The following STAU2 variants were observed in gnomAD, a reference collection of about 807,000 sequenced individuals.
STAU2 encodes double-stranded RNA-binding protein Staufen homolog 2.
In STAU2, 20 loss-of-function variants were observed where a neutral mutation model predicts 65.9. The ratio of observed to expected loss-of-function variants is 0.30; its 90% CI spans 0.21 to 0.44. The LOEUF (loss-of-function observed/expected upper bound fraction) is 0.44. STAU2 is among the 20% of genes least tolerant of loss of function. The pLI, the probability that STAU2 is intolerant of heterozygous loss-of-function variation, is 1.00. For synonymous variants in STAU2, 232 were observed against 233.9 expected (o/e 0.99, Z 0.07); for missense variants, 558 against 683.9 (o/e 0.82, Z 2.05).
intron 13 of STAU2, among the ~76,000 whole-genome samples, chr8:73,491,619 A>C (rs1821159482): frequency 6.6e-6 from 1 of 151,946 alleles, no homozygotes; most frequent in Admixed American, 6.6e-5. Flanking sequence ...AAAATTAGCT[A>C]AGTTACATTT....
chr8:73,649,486 C>A (rs939801956), intron 6 of STAU2, among the ~76,000 whole-genome samples: 3 of 151,982 alleles, frequency 2.0e-5, no homozygotes, highest in African/African-American at 4.8e-5. Flanking sequence ...TGTTCCATCA[C>A]AATAGAAATT....
intron 13 of STAU2, among the ~76,000 whole-genome samples, chr8:73,533,342 T>C (rs1362750693): frequency 6.6e-6 from 1 of 152,212 alleles, no homozygotes; most frequent in Non-Finnish European, 1.5e-5. Flanking sequence ...ATCAATTAAA[T>C]AAGACGGCTT....
intron 4 of STAU2, among the ~76,000 whole-genome samples, chr8:73,694,660 C>T (rs1819579627): frequency 6.6e-6 from 1 of 152,200 alleles, no homozygotes; most frequent in Non-Finnish European, 1.5e-5. Context: ...TGAACAATCA[C>T]AGTGTCTGGC....
chr8:73,578,964 C>T (rs1007444970), intron 12 of STAU2, among the ~76,000 whole-genome samples: 2 of 151,530 alleles, frequency 1.3e-5, no homozygotes, highest in African/African-American at 4.9e-5. Flanking sequence ...TATATACCTC[C>T]CTTCTATCTC....
intron 13 of STAU2, among the ~76,000 whole-genome samples, chr8:73,519,837 G>A (rs1822946513): frequency 6.6e-6 from 1 of 152,218 alleles, no homozygotes; most frequent in Non-Finnish European, 1.5e-5. Context: ...ATCTCAAGGA[G>A]ATCACTGCCC....
intron 11 of STAU2, among the ~76,000 whole-genome samples, chr8:73,593,880 TACACACACAC>T (rs3032945): frequency 2.0e-5 from 3 of 150,530 alleles, no homozygotes; most frequent in East Asian, 2.0e-4. Flanking sequence ...GACACACACA[TACACACACAC>T]ACACACACAC....
chr8:73,623,673 C>T (rs577915739), intron 6 of STAU2, among the ~76,000 whole-genome samples: 22 of 152,120 alleles, frequency 1.4e-4, no homozygotes, highest in East Asian at 3.9e-4. Flanking sequence ...AATGACATGT[C>T]GATTATTTTG....
chr8:73,606,204 C>CTAA (rs1361867260), intron 9 of STAU2, among the ~76,000 whole-genome samples: 1 of 151,270 alleles, frequency 6.6e-6, no homozygotes, highest in Non-Finnish European at 1.5e-5. Flanking sequence ...TGTAAAAAAA[C>CTAA]TAATAATAAT....
chr8:73,609,346 A>G (rs1812267938), intron 9 of STAU2, among the ~76,000 whole-genome samples: 1 of 151,826 alleles, frequency 6.6e-6, no homozygotes, highest in African/African-American at 2.4e-5. Flanking sequence ...TTCCACTTAT[A>G]TCCTGAAAAA....
At chr8:73,574,880 C>G (rs191826491) in intron 12 of STAU2, among the ~76,000 whole-genome samples, 2,344 of 151,574 alleles carry the variant, frequency 0.015, 68 homozygotes, top group East Asian at 0.1. Flanking sequence ...ACATTGTGCA[C>G]ATGTACCCTA....
intron 11 of STAU2, among the ~76,000 whole-genome samples, chr8:73,594,548 G>C (rs1441389303): frequency 6.6e-6 from 1 of 152,128 alleles, no homozygotes; most frequent in Non-Finnish European, 1.5e-5. Flanking sequence ...ATACAAAATG[G>C]AAATAAGCCA....
chr8:73,438,697 G>A (rs186784480), intron 13 of STAU2, among the ~76,000 whole-genome samples: 90 of 152,326 alleles, frequency 5.9e-4, no homozygotes, highest in African/African-American at 1.8e-3. Context: ...ACTGGGTGAC[G>A]CCTACTACCT....
chr8:73,737,201 A>C (rs1290551731), intron 3 of STAU2, among the ~76,000 whole-genome samples: 1 of 142,372 alleles, frequency 7.0e-6, no homozygotes, highest in African/African-American at 2.6e-5. Flanking sequence ...AGACAGTCTC[A>C]CTCTTTTTGC....
At chr8:73,453,075 G>A (rs1818886154) in intron 13 of STAU2, among the ~76,000 whole-genome samples, 1 of 152,044 alleles carries the variant, frequency 6.6e-6, no homozygotes, top group African/African-American at 2.4e-5. Flanking sequence ...ACTCTGACTC[G>A]GTGTCTTCAA....
At chr8:73,486,614 T>C (rs1449723094) in intron 13 of STAU2, among the ~76,000 whole-genome samples, 4 of 146,038 alleles carry the variant, frequency 2.7e-5, no homozygotes, top group African/African-American at 1.0e-4. Flanking sequence ...ATATCCATTA[T>C]ATATATATAT....
chr8:73,657,842 T>A (rs1323798312), intron 6 of STAU2, among the ~76,000 whole-genome samples: 1 of 149,406 alleles, frequency 6.7e-6, no homozygotes, highest in Non-Finnish European at 1.5e-5. Flanking sequence ...AGTGAAACCT[T>A]GTCTCTACTA....
chr8:73,527,762 A>G, intron 13 of STAU2: 1 of 1,536,724 alleles, frequency 6.5e-7, no homozygotes, highest in Non-Finnish European at 8.7e-7. Context: ...AATGTCAGAC[A>G]GGTCACACAC....
At chr8:73,712,047 TA>T (rs1820938962) in intron 3 of STAU2, among the ~76,000 whole-genome samples, 1 of 152,134 alleles carries the variant, frequency 6.6e-6, no homozygotes, top group Non-Finnish European at 1.5e-5. Flanking sequence ...AGAGCATCTA[TA>T]AAAACAAACT....
At chr8:73,717,300 TTA>T (rs1409897104) in intron 3 of STAU2, among the ~76,000 whole-genome samples, 1 of 152,056 alleles carries the variant, frequency 6.6e-6, no homozygotes, top group African/African-American at 2.4e-5. Context: ...TTATCAATTT[TTA>T]TAGTTTGTAC....
Sources: allele counts gnomAD v4.1 joint callset (sites outside exome capture counted in the v4.1 genomes callset), GRCh38; gene constraint gnomAD v4.1.1; transcripts MANE v1.5; gene names NCBI Gene and HGNC (gene_info 2026-07-23, HGNC 2026-07-21).